Variants in MARK4 observed in about 807,000 individuals in gnomAD.
MARK4 encodes microtubule affinity regulating kinase 4, also known as MAP/microtubule affinity-regulating kinase 4.
MARK4 carries 19 observed loss-of-function variants against 81.5 expected under a neutral mutation model. That is an observed-to-expected ratio of 0.23 (90% CI 0.16 to 0.34). MARK4 has a LOEUF of 0.34. Among genes scored for constraint, MARK4 ranks in the 10% least tolerant of loss-of-function variants. MARK4 has a pLI of 1.00. For missense variants in MARK4, 772 were observed against 1,058.8 expected (o/e 0.73, Z 3.76); for synonymous variants, 436 against 439.0 (o/e 0.99, Z 0.08).
intron 7 of MARK4, among the ~76,000 whole-genome samples, chr19:45,267,763 T>C (rs1970474628): frequency 6.6e-6 from 1 of 152,190 alleles, no homozygotes; most frequent in African/African-American, 2.4e-5. Context: ...TGGGCTCAAA[T>C]AGTTCTCTCA....
intron 8 of MARK4, among the ~76,000 whole-genome samples, chr19:45,276,578 C>A (rs1970600301): frequency 6.6e-6 from 1 of 151,102 alleles, no homozygotes; most frequent in African/African-American, 2.4e-5. Flanking sequence ...TATTTACATA[C>A]CGCTCTCTGG....
chr19:45,251,984 C>A (rs930657245), intron 1 of MARK4, among the ~76,000 whole-genome samples: 1 of 151,138 alleles, frequency 6.6e-6, no homozygotes, highest in Admixed American at 6.6e-5. Context: ...CGTCCGCGTC[C>A]GACACCTCGC....
intron 2 of MARK4, among the ~76,000 whole-genome samples, chr19:45,261,035 G>T (rs1480448473): frequency 6.6e-6 from 1 of 152,060 alleles, no homozygotes; most frequent in Non-Finnish European, 1.5e-5. Context: ...CAACTTCAGA[G>T]AAATGATTGG....
intron 8 of MARK4, among the ~76,000 whole-genome samples, chr19:45,276,986 T>C (rs1219513552): frequency 6.6e-6 from 1 of 151,934 alleles, no homozygotes; most frequent in Non-Finnish European, 1.5e-5. Context: ...GCATGTGAAG[T>C]GGGTCCTGTA....
At chr19:45,266,364 G>T in intron 7 of MARK4, 83 bp downstream of exon 7, 3 of 1,329,498 alleles carry the variant, frequency 2.3e-6, no homozygotes, top group Non-Finnish European at 3.2e-6. Flanking sequence ...CATGGTTTCC[G>T]TGGCCTCCAG....
At chr19:45,254,239 G>A (rs1234242616) in intron 1 of MARK4, among the ~76,000 whole-genome samples, 1 of 152,178 alleles carries the variant, frequency 6.6e-6, no homozygotes, top group Non-Finnish European at 1.5e-5. Flanking sequence ...CCAGCTGGTG[G>A]TGCAGGCCAA....
chr19:45,271,768 C>G lies in MARK4; in HGVS notation c.786+60C>G. The G allele has an allele frequency of 4.1e-6, 6 of 1,473,972 alleles. No homozygotes were observed. Among genetic ancestry groups the G allele is most frequent in the East Asian group, 2.3e-5 (1 of 44,106 alleles). The allele number at this position is 1,473,972 out of a possible 1,614,324, so 91.3% of individuals were successfully genotyped here. A position where few individuals can be genotyped will look rare whatever the true frequency, so the allele number is the denominator to read the frequency against. ...CCTCCCCACAGTCAGGCCCCTATCCCCCCCACACCTCCCCTGCAGAGGGCC... is the reference window on the plus strand; with the variant it reads ...CCTCCCCACAGTCAGGCCCCTATCCGCCCCACACCTCCCCTGCAGAGGGCC... On this transcript the variant is annotated intron_variant, in intron 8 of 16. Transcript: ENST00000262891. The surrounding 1 kb of genome is among the most constrained non-coding windows in gnomAD (Gnocchi z 4.1).
chr19:45,278,111 C>T (rs1055526194), intron 9 of MARK4, 69 bp downstream of exon 9: 20 of 1,587,486 alleles, frequency 1.3e-5, no homozygotes, highest in Middle Eastern at 1.7e-4. Flanking sequence ...TGCCTGCCCC[C>T]ACCCACAAAA....
chr19:45,301,627 G>A (rs62120864), intron 16 of MARK4, among the ~76,000 whole-genome samples: 34 of 149,632 alleles, frequency 2.3e-4, no homozygotes, highest in Non-Finnish European at 5.0e-4. Context: ...TTGGGAGGTC[G>A]AGGCGGGCAG....
In MARK4 at chr19:45,302,359, A is replaced by T; in HGVS notation, c.1923-15A>T. The T allele has an allele frequency of 6.2e-7, 1 of 1,614,056 alleles. No homozygotes were observed. The highest frequency in any genetic ancestry group is 8.5e-7 in the Non-Finnish European group (1 of 1,179,924). ...TTCGCTCCCATCTCTGACCCCTGAC[A>T]TCTTCTCGCCTCAGTTGCCATCTAC... On this transcript the variant is annotated splice_polypyrimidine_tract_variant and intron_variant, in intron 16 of 16. Coordinates refer to ENST00000262891, the MANE Select transcript of MARK4 (RefSeq NM_001199867.2). This position sits in a 1 kb window ranked among gnomAD's most constrained non-coding sequence, Gnocchi z 4.9.
intron 13 of MARK4, among the ~76,000 whole-genome samples, chr19:45,290,815 G>C (rs1231914230): frequency 6.6e-6 from 1 of 152,214 alleles, no homozygotes; most frequent in Non-Finnish European, 1.5e-5. Context: ...GCTAGTCCAG[G>C]TTCAGGGCCC....
intron 6 of MARK4, among the ~76,000 whole-genome samples, chr19:45,265,288 A>G (rs1174147872): frequency 6.6e-6 from 1 of 151,732 alleles, no homozygotes; most frequent in Non-Finnish European, 1.5e-5. Flanking sequence ...GGCAGTAGCT[A>G]TGTGGGTGCC....
chr19:45,264,033 A>G lies in MARK4; in HGVS notation c.356-651A>G, dbSNP rs563369610. Among the ~76,000 whole-genome samples the G allele has an allele frequency of 1.5e-3, 228 of 152,260 alleles. 2 individuals are homozygous for G. The highest frequency in any genetic ancestry group is 5.1e-3 in the African/African-American group (212 of 41,556). On this transcript the variant is annotated intron_variant, in intron 4 of 16. Coordinates refer to ENST00000262891, the MANE Select transcript of MARK4 (RefSeq NM_001199867.2). The stretch of plus-strand genomic sequence containing the variant: ...GGGAGTGAGGGGTCTTTAGTGAGAG[A>G]AGCGGAGTTTAGCTCCGCCTGGATG...
At chr19:45,298,254 CTCTGCCTCCCTGCCTGCATG>C in intron 15 of MARK4, 2 of 1,605,216 alleles carry the variant, frequency 1.2e-6, no homozygotes, top group African/African-American at 2.7e-5. Flanking sequence ...TTCTCGCTGG[CTCTGCCTCCCTGCCTGCATG>C]TCTGACCTGT....
rs1287192147 is a variant in MARK4 at position 45,302,333 on chromosome 19, C to T, written c.1923-41C>T. ...CCCTTCAGCCCTCCACCACATTCCT[C>T]TTCGCTCCCATCTCTGACCCCTGAC... is the stretch of plus-strand genomic sequence containing the variant. On this transcript the variant is annotated intron_variant, in intron 16 of 16. Transcript: ENST00000262891. This position sits in a 1 kb window ranked among gnomAD's most constrained non-coding sequence, Gnocchi z 4.9. 1.2e-6 allele frequency: 2 copies of T among 1,613,634 alleles called. No individual in the cohort carries two copies. The highest frequency in any genetic ancestry group is 1.7e-6 in the Non-Finnish European group (2 of 1,179,718).
At chr19:45,278,405 C>T in intron 9 of MARK4, 111 bp from the exon 10 acceptor site, 1 of 948,342 alleles carries the variant, frequency 1.1e-6, no homozygotes, top group Non-Finnish European at 1.7e-6. Flanking sequence ...TCTTAGGAAG[C>T]CCGCAATTCT....
rs369605473 is a variant in MARK4 at position 45,301,199 on chromosome 19, C to G, written c.1923-1175C>G. On this transcript the variant is annotated intron_variant, in intron 16 of 16. Transcript: ENST00000262891. ...TCAGGAGGCCAAGGCAGGAGGATCACTTGAGCCCAGGAGGTCGAGGCTGCA... is the reference window on the plus strand; with the variant it reads ...TCAGGAGGCCAAGGCAGGAGGATCAGTTGAGCCCAGGAGGTCGAGGCTGCA... Among the ~76,000 whole-genome samples, 232 of 152,294 alleles carry G rather than the reference C, an allele frequency of 1.5e-3. 1 individual carries two copies. Among genetic ancestry groups the G allele is most frequent in the African/African-American group, 5.4e-3 (225 of 41,562 alleles).
Position 45,275,367 on chromosome 19 carries a change from C to A in MARK4, c.787-2556C>A, listed in dbSNP as rs141637123. Among the ~76,000 whole-genome samples the A allele has an allele frequency of 2.2e-3, 334 of 152,274 alleles. 2 individuals are homozygous for A. The highest frequency in any genetic ancestry group is 0.01 in the Middle Eastern group (3 of 292). ...TGGCATTGTGGTGCATGCCTGTAGT[C>A]CCAGCTACTTGGGATGCTGAGGTGG... On this transcript the variant is annotated intron_variant, in intron 8 of 16. Coordinates refer to ENST00000262891, the MANE Select transcript of MARK4 (RefSeq NM_001199867.2).
At chr19:45,261,825 C>T (rs539878523) in intron 2 of MARK4, among the ~76,000 whole-genome samples, 5 of 151,870 alleles carry the variant, frequency 3.3e-5, no homozygotes, top group African/African-American at 1.2e-4. Context: ...CCCAGATATT[C>T]GGGAGGCTGA....
Sources: allele counts gnomAD v4.1 joint callset (sites outside exome capture counted in the v4.1 genomes callset), GRCh38; gene constraint gnomAD v4.1.1; non-coding constraint Gnocchi (gnomAD v3.1); transcripts MANE v1.5; gene names NCBI Gene and HGNC (gene_info 2026-07-23, HGNC 2026-07-21).